ELP4: variants seen among roughly 807,000 people sequenced by gnomAD.
The protein encoded by ELP4 is elongator acetyltransferase complex subunit 4, also known as elongator complex protein 4.
Under a neutral mutation model 48.9 loss-of-function variants are expected in ELP4, and 51 were observed. The observed-to-expected ratio is 1.04, with a 90% CI of 0.83 to 1.32. The LOEUF (loss-of-function observed/expected upper bound fraction) is 1.32. ELP4 is among the 40% of genes most tolerant of loss of function. The pLI, the probability that ELP4 is intolerant of heterozygous loss-of-function variation, is 0.00. For missense variants in ELP4, 519 were observed against 514.6 expected, an observed-to-expected ratio of 1.01 and a Z score of -0.08; for synonymous variants, 210 against 189.2, an observed-to-expected ratio of 1.11 and a Z score of -0.90.
At chr11:31,729,208 G>A (rs1329933079) in intron 9 of ELP4, among the ~76,000 whole-genome samples, 3 of 152,158 alleles carry the variant, frequency 2.0e-5, no homozygotes, top group Non-Finnish European at 4.4e-5. Context: ...ATTTCAAAAT[G>A]TTTTATGAGG....
At chr11:31,572,754 C>G (rs1394144223) in intron 3 of ELP4, among the ~76,000 whole-genome samples, 1 of 152,174 alleles carries the variant, frequency 6.6e-6, no homozygotes, top group African/African-American at 2.4e-5. Context: ...AGTCTCAGCA[C>G]TTTGGGAGGC....
chr11:31,622,978 T>C (rs1944653826), intron 5 of ELP4, among the ~76,000 whole-genome samples: 1 of 151,534 alleles, frequency 6.6e-6, no homozygotes, highest in South Asian at 2.1e-4. Flanking sequence ...TTTATGTTCT[T>C]TGTATAGCTA....
intron 2 of ELP4, among the ~76,000 whole-genome samples, chr11:31,524,982 A>T (rs1200623703): frequency 6.6e-6 from 1 of 152,212 alleles, no homozygotes; most frequent in Non-Finnish European, 1.5e-5. Flanking sequence ...TGTCTCAAAA[A>T]GAAATTAAAA....
At chr11:31,775,416 C>T (rs1948224803) in intron 9 of ELP4, among the ~76,000 whole-genome samples, 1 of 152,130 alleles carries the variant, frequency 6.6e-6, no homozygotes, top group Non-Finnish European at 1.5e-5. Context: ...CTTCTGGGCC[C>T]CATGTTATAC....
intron 4 of ELP4, among the ~76,000 whole-genome samples, chr11:31,601,893 T>G (rs1288880332): frequency 6.6e-6 from 1 of 152,094 alleles, no homozygotes; most frequent in Non-Finnish European, 1.5e-5. Flanking sequence ...CATGGTGTTT[T>G]ATTATAGCCA....
At chr11:31,600,480 G>A (rs1354880629) in intron 4 of ELP4, 2 of 152,154 alleles carry the variant, frequency 1.3e-5, no homozygotes, top group Non-Finnish European at 2.9e-5. Flanking sequence ...CAGCAGCCCT[G>A]TGGTAGATGT....
chr11:31,761,284 G>A (rs1470161923), intron 9 of ELP4, among the ~76,000 whole-genome samples: 1 of 151,012 alleles, frequency 6.6e-6, no homozygotes, highest in Non-Finnish European at 1.5e-5. Context: ...GCTGCAGTGA[G>A]CCATGATTGC....
intron 9 of ELP4, among the ~76,000 whole-genome samples, chr11:31,706,333 A>AT (rs1946631095): frequency 6.6e-6 from 1 of 151,478 alleles, no homozygotes; most frequent in Non-Finnish European, 1.5e-5. Flanking sequence ...AGTGGTATAG[A>AT]GTACTAGAAC....
chr11:31,613,736 G>T (rs7944642), intron 5 of ELP4, among the ~76,000 whole-genome samples: 2,818 of 138,208 alleles, frequency 0.02, 92 homozygotes, highest in African/African-American at 0.071. Context: ...TTTTTTTTGA[G>T]ATGGAGTCTT....
chr11:31,578,558 C>T (rs953213151), intron 3 of ELP4, among the ~76,000 whole-genome samples: 1 of 152,136 alleles, frequency 6.6e-6, no homozygotes, highest in East Asian at 1.9e-4. Context: ...GCTACAGTAA[C>T]CAAAACAGCA....
At chr11:31,607,171 G>C (rs1957891072) in intron 5 of ELP4, among the ~76,000 whole-genome samples, 1 of 152,196 alleles carries the variant, frequency 6.6e-6, no homozygotes, top group African/African-American at 2.4e-5. Flanking sequence ...CTGGCATGTT[G>C]ATCTTGGACT....
intron 3 of ELP4, among the ~76,000 whole-genome samples, chr11:31,587,460 T>C (rs1256202776): frequency 6.6e-6 from 1 of 152,154 alleles, no homozygotes; most frequent in Non-Finnish European, 1.5e-5. Context: ...TTGATTTTGT[T>C]GCAAGCTGAA....
intron 5 of ELP4, among the ~76,000 whole-genome samples, chr11:31,623,524 T>C (rs1339957629): frequency 1.3e-5 from 2 of 149,928 alleles, no homozygotes; most frequent in African/African-American, 4.9e-5. Flanking sequence ...TCACAATTGA[T>C]AATACCTAAA....
intron 5 of ELP4, among the ~76,000 whole-genome samples, chr11:31,623,369 AT>A (rs1358955690): frequency 2.1e-4 from 22 of 102,988 alleles, no homozygotes; most frequent in African/African-American, 6.7e-4. Context: ...ATATATATAT[AT>A]ATATATATAT....
Position 31,786,240 on chromosome 11 carries a change from T to C in ELP4, c.*2716T>C, listed in dbSNP as rs549835579. 60 of 208,174 alleles carry C rather than the reference T, an allele frequency of 2.9e-4. No individual in the cohort carries two copies. The highest frequency in any genetic ancestry group is 1.3e-3 in the African/African-American group (58 of 44,026). The allele number at this position is 208,174 out of a possible 1,614,324, so 12.9% of individuals were successfully genotyped here. A position where few individuals can be genotyped will look rare whatever the true frequency, so the allele number is the denominator to read the frequency against. Reference sequence around the variant, plus strand: ...CATCTTTTAACAAATCAGACACACATAGGCATACAAAAGGAGAGTGGGGGG... The same window carrying C: ...CATCTTTTAACAAATCAGACACACACAGGCATACAAAAGGAGAGTGGGGGG... On this transcript the variant is annotated 3_prime_UTR_variant, in exon 10 of 10. Coordinates refer to ENST00000640961, the MANE Select transcript of ELP4 (RefSeq NM_019040.5).
At chr11:31,536,196 C>A (rs1344311166) in intron 2 of ELP4, among the ~76,000 whole-genome samples, 3 of 150,796 alleles carry the variant, frequency 2.0e-5, no homozygotes, top group Admixed American at 1.3e-4. Flanking sequence ...CAGTTTTTGG[C>A]TATTAAAAAA....
intron 1 of ELP4, among the ~76,000 whole-genome samples, chr11:31,517,403 A>G (rs1275407350): frequency 6.6e-6 from 1 of 151,986 alleles, no homozygotes; most frequent in Non-Finnish European, 1.5e-5. Context: ...AGCTTATGTG[A>G]TCTGCCTGCC....
chr11:31,771,829 T>A (rs1025472025), intron 9 of ELP4, among the ~76,000 whole-genome samples: 5 of 152,020 alleles, frequency 3.3e-5, no homozygotes, highest in South Asian at 2.1e-4. Context: ...GATACAAAAA[T>A]TTAGCCGGGC....
chr11:31,645,590 G>C (rs1204119318), intron 7 of ELP4: 1 of 151,578 alleles, frequency 6.6e-6, no homozygotes, highest in Non-Finnish European at 1.5e-5. Context: ...AACAAAAATT[G>C]ACTTGTATCA....
Sources: allele counts gnomAD v4.1 joint callset (sites outside exome capture counted in the v4.1 genomes callset), GRCh38; gene constraint gnomAD v4.1.1; transcripts MANE v1.5; gene names NCBI Gene and HGNC (gene_info 2026-07-23, HGNC 2026-07-21).